The following TBC1D5 variants were observed in gnomAD, a reference collection of about 807,000 sequenced individuals.
TBC1D5 encodes the protein TBC1 domain family, member 5.
TBC1D5 carries 75 observed loss-of-function variants against 100.3 expected under a neutral mutation model. That is an observed-to-expected ratio of 0.75 (90% CI 0.62 to 0.91). The LOEUF is 0.91. Ranked by LOEUF, TBC1D5 falls within the 40% of genes least tolerant of loss-of-function variation. The pLI is 0.00. For synonymous variants in TBC1D5, 323 were observed against 325.6 expected (o/e 0.99, Z 0.09); for missense variants, 910 against 942.4 (o/e 0.97, Z 0.45).
chr3:17,370,513 A>C (rs1050824325), intron 13 of TBC1D5, among the ~76,000 whole-genome samples: 4 of 152,200 alleles, frequency 2.6e-5, no homozygotes, highest in African/African-American at 9.6e-5. Context: ...AATAACCTGC[A>C]TTGCTGCCCA....
intron 2 of TBC1D5, among the ~76,000 whole-genome samples, chr3:17,540,198 T>C (rs1482658218): frequency 6.6e-6 from 1 of 152,250 alleles, no homozygotes; most frequent in East Asian, 1.9e-4. Context: ...TGTTTTGTTG[T>C]TGAGTTGTAG....
At chr3:17,677,694 C>T (rs1483326367) in intron 1 of TBC1D5, among the ~76,000 whole-genome samples, 1 of 152,168 alleles carries the variant, frequency 6.6e-6, no homozygotes, top group African/African-American at 2.4e-5. Context: ...GACACATGCA[C>T]ACGTATGTTT....
intron 1 of TBC1D5, among the ~76,000 whole-genome samples, chr3:17,692,023 T>C (rs1034244647): frequency 6.6e-6 from 1 of 152,022 alleles, no homozygotes; most frequent in Non-Finnish European, 1.5e-5. Flanking sequence ...GGAAAGAGCA[T>C]ACAGTAAGAA....
At position 17,296,616 on chromosome 3, in the gene TBC1D5, G is replaced by A. The variant is rs1449889; in HGVS notation, c.1139-4615C>T. 8.0e-3 allele frequency among the ~76,000 whole-genome samples: 1,217 copies of A among 152,284 alleles called. 24 individuals are homozygous for A. The highest frequency in any genetic ancestry group is 0.028 in the African/African-American group (1,168 of 41,566). ...TGGAGAAAGCCAAAAATAAAACACA[G>A]TCATATCCCCCACAAAAAGTGGTTT... On this transcript the variant is annotated intron_variant, in intron 14 of 21. Coordinates refer to ENST00000253692, the Ensembl canonical transcript of TBC1D5.
intron 13 of TBC1D5, among the ~76,000 whole-genome samples, chr3:17,369,609 G>A (rs1311048356): frequency 6.6e-6 from 1 of 152,006 alleles, no homozygotes; most frequent in Non-Finnish European, 1.5e-5. Context: ...TCAGACTCCC[G>A]AGCAGGGTGG....
chr3:17,706,164 T>C, intron 1 of TBC1D5: 1 of 1,577,240 alleles, frequency 6.3e-7, no homozygotes, highest in Non-Finnish European at 8.6e-7. Flanking sequence ...GGGGGAGACA[T>C]CGGCAGGCAG....
intron 1 of TBC1D5, among the ~76,000 whole-genome samples, chr3:17,661,979 C>T (rs1162681639): frequency 6.6e-6 from 1 of 152,104 alleles, no homozygotes; most frequent in Non-Finnish European, 1.5e-5. Context: ...CATCCTCAAA[C>T]TCCCGGGTTC....
intron 19 of TBC1D5, among the ~76,000 whole-genome samples, chr3:17,182,161 A>G (rs2068522610): frequency 1.3e-5 from 2 of 152,150 alleles, no homozygotes; most frequent in Non-Finnish European, 2.9e-5. Flanking sequence ...TTAATTAACC[A>G]TTGTTGTATT....
At chr3:17,235,608 C>A (rs539503112) in intron 17 of TBC1D5, among the ~76,000 whole-genome samples, 2 of 152,182 alleles carry the variant, frequency 1.3e-5, no homozygotes, top group African/African-American at 4.8e-5. Context: ...AAGTATTTTT[C>A]ACTGTAGAGT....
At chr3:17,217,746 T>G (rs2073825617) in intron 17 of TBC1D5, among the ~76,000 whole-genome samples, 1 of 152,092 alleles carries the variant, frequency 6.6e-6, no homozygotes, top group South Asian at 2.1e-4. Context: ...TAAGTGCTCT[T>G]CATATGTTCT....
intron 1 of TBC1D5, among the ~76,000 whole-genome samples, chr3:17,675,744 A>AT (rs943193889): frequency 7.0e-6 from 1 of 143,212 alleles, no homozygotes; most frequent in African/African-American, 2.6e-5. Flanking sequence ...AGTGACAAAG[A>AT]TTTTTTTAAC....
intron 1 of TBC1D5, among the ~76,000 whole-genome samples, chr3:17,692,466 A>G (rs1427519592): frequency 6.6e-6 from 1 of 152,194 alleles, no homozygotes; most frequent in Non-Finnish European, 1.5e-5. Flanking sequence ...TTAAAAATCC[A>G]TCTAAAATGC....
intron 1 of TBC1D5, among the ~76,000 whole-genome samples, chr3:17,649,931 G>A (rs1459317731): frequency 1.3e-5 from 2 of 152,138 alleles, no homozygotes; most frequent in Non-Finnish European, 2.9e-5. Context: ...AAGAAAATGT[G>A]GCCCATATAC....
intron 2 of TBC1D5, among the ~76,000 whole-genome samples, chr3:17,553,532 A>C (rs2096490952): frequency 6.6e-6 from 1 of 152,214 alleles, no homozygotes; most frequent in Non-Finnish European, 1.5e-5. Flanking sequence ...GCACACACAT[A>C]TATATGTACA....
chr3:17,415,863 C>T (rs1467963716), intron 4 of TBC1D5, among the ~76,000 whole-genome samples: 3 of 152,124 alleles, frequency 2.0e-5, no homozygotes, highest in African/African-American at 7.2e-5. Flanking sequence ...CCTCACCTCA[C>T]CTCATTTACT....
chr3:17,241,170 T>C (rs1011301267), intron 16 of TBC1D5, among the ~76,000 whole-genome samples: 1 of 152,146 alleles, frequency 6.6e-6, no homozygotes, highest in Non-Finnish European at 1.5e-5. Context: ...GCTTGTCTGT[T>C]TTTCTAGGCA....
intron 2 of TBC1D5, among the ~76,000 whole-genome samples, chr3:17,623,308 G>A (rs985773000): frequency 7.2e-5 from 11 of 152,298 alleles, no homozygotes; most frequent in Admixed American, 7.2e-4. Context: ...TGGATAGTAA[G>A]TGTATAATGC....
chr3:17,251,425 A>C (rs1412369711), intron 16 of TBC1D5, among the ~76,000 whole-genome samples: 82 of 111,056 alleles, frequency 7.4e-4, no homozygotes, highest in East Asian at 1.7e-3. Flanking sequence ...ACTCACGGGA[A>C]CCCCCCCCCC....
At chr3:17,487,312 A>T (rs2095581648) in intron 3 of TBC1D5, among the ~76,000 whole-genome samples, 1 of 152,190 alleles carries the variant, frequency 6.6e-6, no homozygotes, top group African/African-American at 2.4e-5. Flanking sequence ...GTCCATTGTA[A>T]GTAACCAAGC....
Sources: gnomAD v4.1 joint callset for allele counts (sites outside exome capture counted in the v4.1 genomes callset) on GRCh38, gnomAD v4.1.1 for gene constraint, MANE v1.5 for transcripts, NCBI Gene and HGNC (gene_info 2026-07-23, HGNC 2026-07-21) for gene names.